SGCG: variants seen among roughly 807,000 people sequenced by gnomAD.
The protein encoded by SGCG is gamma-sarcoglycan.
SGCG carries 26 observed loss-of-function variants against 29.3 expected under a neutral mutation model. The observed-to-expected ratio is 0.89, with a 90% CI of 0.65 to 1.23. The LOEUF (loss-of-function observed/expected upper bound fraction) is 1.23. SGCG is among the 50% of genes most tolerant of loss of function. The probability of loss-of-function intolerance (pLI) is 0.00; values close to 1 mark genes in which losing one functional copy is unlikely to be tolerated. For synonymous variants in SGCG, 145 were observed against 129.7 expected, an observed-to-expected ratio of 1.12 and a Z score of -0.80; for missense variants, 353 against 356.0, an observed-to-expected ratio of 0.99 and a Z score of 0.07.
the SGCG span, among the ~76,000 whole-genome samples, chr13:23,165,509 A>C: frequency 6.7e-6 from 1 of 149,286 alleles, no homozygotes; most frequent in Non-Finnish European, 1.5e-5. Flanking sequence ...TAAAATACTC[A>C]TTTCAGTAGG....
Position 23,324,762 on chromosome 13 carries a change from G to A in SGCG, c.*221G>A, listed in dbSNP as rs561080982. 5.5e-5 allele frequency: 31 copies of A among 565,542 alleles called. No individual in the cohort carries two copies. In the East Asian group the frequency reaches 8.8e-4, roughly 16 times the overall value. The allele number at this position is 565,542 out of a possible 1,614,324, so 35.0% of individuals were successfully genotyped here. On this transcript the variant is annotated 3_prime_UTR_variant, in exon 8 of 8. Transcript: ENST00000218867. The stretch of plus-strand genomic sequence containing the variant: ...ACACAAAAGTTGACAAAATGGAAAA[G>A]CAATGTGTTTTTCCACTGGATTAAT...
At chr13:23,227,323 AAAAAAAC>A (rs1049190781) in intron 2 of SGCG, among the ~76,000 whole-genome samples, 12 of 139,772 alleles carry the variant, frequency 8.6e-5, no homozygotes, top group South Asian at 2.2e-4. Context: ...GGGAAAAAAA[AAAAAAAC>A]AAAAACCTGG....
At chr13:23,193,047 C>T (rs920645208) in intron 1 of SGCG, among the ~76,000 whole-genome samples, 3 of 152,118 alleles carry the variant, frequency 2.0e-5, no homozygotes, top group African/African-American at 7.2e-5. Context: ...GACACAGTTG[C>T]AGATTGTACA....
intron 4 of SGCG, among the ~76,000 whole-genome samples, chr13:23,259,339 T>C (rs1333947511): frequency 6.6e-6 from 1 of 152,206 alleles, no homozygotes; most frequent in Non-Finnish European, 1.5e-5. Flanking sequence ...TAGAGGTGTT[T>C]ATAGTATTCT....
intron 2 of SGCG, among the ~76,000 whole-genome samples, chr13:23,204,663 C>T (rs944313803): frequency 2.7e-5 from 4 of 148,822 alleles, no homozygotes; most frequent in Non-Finnish European, 5.9e-5. Flanking sequence ...CCCTTCATTC[C>T]CTTCTTTCCC....
At chr13:23,291,477 T>C (rs1326503) in intron 5 of SGCG, among the ~76,000 whole-genome samples, 33,992 of 152,094 alleles carry the variant, frequency 0.22, 3,960 homozygotes, top group South Asian at 0.38. Flanking sequence ...TTTTATGAAA[T>C]CATTTAGGAA....
At chr13:23,239,766 G>C (rs1227367843) in intron 3 of SGCG, among the ~76,000 whole-genome samples, 2 of 152,094 alleles carry the variant, frequency 1.3e-5, no homozygotes, top group Admixed American at 1.3e-4. Context: ...ATTGAGGATG[G>C]ACCTTAATAA....
In SGCG at chr13:23,307,888, T is replaced by C. The variant is rs1882416848; in HGVS notation, c.578+12401T>C. 1.3e-5 allele frequency among the ~76,000 whole-genome samples: 2 copies of C among 152,196 alleles called. 1 individual carries two copies. The highest frequency in any genetic ancestry group is 4.1e-4 in the South Asian group (2 of 4,838). On this transcript the variant is annotated intron_variant, in intron 6 of 7. Transcript: ENST00000218867. ...GACAGTAGTATCTTTGCATAGTTCA[T>C]TATTAAACCAAAACACAAGTTTTTA...
intron 2 of SGCG, among the ~76,000 whole-genome samples, chr13:23,222,697 G>T (rs537198720): frequency 6.6e-6 from 1 of 152,116 alleles, no homozygotes; most frequent in South Asian, 2.1e-4. Context: ...CGTAGATGGC[G>T]TGTGCCTGTA....
At chr13:23,263,722 G>GA (rs1343725953) in intron 4 of SGCG, among the ~76,000 whole-genome samples, 2 of 151,994 alleles carry the variant, frequency 1.3e-5, no homozygotes, top group Admixed American at 6.6e-5. Context: ...AGCACTCCAA[G>GA]AAAATCATTC....
chr13:23,258,355 T>G (rs1311573259), intron 4 of SGCG, among the ~76,000 whole-genome samples: 1 of 152,166 alleles, frequency 6.6e-6, no homozygotes, highest in Non-Finnish European at 1.5e-5. Flanking sequence ...GTTTGTGTGT[T>G]ATTGGTGTAT....
intron 4 of SGCG, among the ~76,000 whole-genome samples, chr13:23,252,668 G>A (rs1880017475): frequency 6.6e-6 from 1 of 152,034 alleles, no homozygotes; most frequent in Non-Finnish European, 1.5e-5. Flanking sequence ...TCCAGCCTGG[G>A]CGACAGAGTG....
chr13:23,283,320 AT>A (rs1226420708), intron 5 of SGCG, among the ~76,000 whole-genome samples: 1 of 152,170 alleles, frequency 6.6e-6, no homozygotes, highest in Non-Finnish European at 1.5e-5. Context: ...GTGCATATAT[AT>A]TTAGGATAGT....
intron 2 of SGCG, among the ~76,000 whole-genome samples, chr13:23,227,979 T>C (rs1878966601): frequency 6.6e-6 from 1 of 151,656 alleles, no homozygotes; most frequent in Admixed American, 6.6e-5. Context: ...CCCAACTAAT[T>C]TTTGTATTTT....
the SGCG span, among the ~76,000 whole-genome samples, chr13:23,164,070 G>C: frequency 6.6e-6 from 1 of 152,178 alleles, no homozygotes; most frequent in Non-Finnish European, 1.5e-5. Flanking sequence ...GTCCTGACCA[G>C]TCGCCTCAAT....
At chr13:23,226,165 TTAC>T (rs1172522045) in intron 2 of SGCG, among the ~76,000 whole-genome samples, 5 of 152,164 alleles carry the variant, frequency 3.3e-5, no homozygotes, top group African/African-American at 1.2e-4. Context: ...CATCAAACTA[TTAC>T]TACAAGACAT....
At chr13:23,174,506 T>A in the SGCG span, among the ~76,000 whole-genome samples, 1 of 151,948 alleles carries the variant, frequency 6.6e-6, no homozygotes, top group Non-Finnish European at 1.5e-5. Context: ...GGAAAAAAAA[T>A]GGAATCGATT....
chr13:23,279,437 A>T lies in SGCG; in HGVS notation c.464A>T (p.Glu155Val), dbSNP rs1462991415. 1 of 1,613,478 alleles carries T rather than the reference A, an allele frequency of 6.2e-7. No homozygotes were observed. The highest frequency in any genetic ancestry group is 8.5e-7 in the Non-Finnish European group (1 of 1,179,484). ...GGCAAGCCACTATTTACTGTAGATG[A>T]GAAGGAAGTTGTGGTTGGTACAGAT... ...NDGKPLFTVD[E>V]KEVVVGTDKL... The change falls in exon 5 of 8, where the codon GAG becomes GTG. Residue 155 changes from glutamate (E) to valine (V), a missense_variant. Physicochemically the swap from Glu to Val is moderately radical, Grantham distance 121 (BLOSUM62 -2). Coordinates refer to ENST00000218867, the MANE Select transcript of SGCG (RefSeq NM_000231.3).
chr13:23,210,386 C>T (rs1878144982), intron 2 of SGCG, among the ~76,000 whole-genome samples: 1 of 151,844 alleles, frequency 6.6e-6, no homozygotes, highest in South Asian at 2.1e-4. Flanking sequence ...TGTGACTTAC[C>T]ATTTAGTATA....
Sources: allele counts gnomAD v4.1 joint callset (sites outside exome capture counted in the v4.1 genomes callset), GRCh38; gene constraint gnomAD v4.1.1; transcripts MANE v1.5; gene names NCBI Gene and HGNC (gene_info 2026-07-23, HGNC 2026-07-21).